Variants in FBXO9 observed in about 807,000 individuals in gnomAD.
FBXO9 encodes the protein F-box only protein 9.
A neutral mutation model predicts 63.7 loss-of-function variants in FBXO9; 43 were observed. The ratio of observed to expected loss-of-function variants is 0.67; its 90% confidence interval spans 0.53 to 0.87. FBXO9 has a LOEUF of 0.87. FBXO9 is among the 40% of genes least tolerant of loss of function. The pLI is 0.00. For missense variants in FBXO9, 442 were observed against 533.2 expected, an observed-to-expected ratio of 0.83 and a Z score of 1.68; for synonymous variants, 156 against 171.7, an observed-to-expected ratio of 0.91 and a Z score of 0.72.
chr6:53,079,824 G>A lies in FBXO9; in HGVS notation c.407+926G>A, dbSNP rs1330426934. ...TGCCAATGTTTTTTAACTGCATATG[G>A]TATTAACACTTAAGCTTTGGATAAG... On this transcript the variant is annotated intron_variant, in intron 5 of 12. Coordinates refer to ENST00000323557, the MANE Select transcript of FBXO9 (RefSeq NM_033480.3). 3.9e-5 allele frequency among the ~76,000 whole-genome samples: 6 copies of A among 151,924 alleles called. No individual in the cohort carries two copies. In the East Asian group the frequency reaches 7.7e-4, roughly 20 times the overall value.
intron 3 of FBXO9, among the ~76,000 whole-genome samples, chr6:53,074,613 TC>T (rs1195837405): frequency 2.0e-5 from 3 of 152,226 alleles, no homozygotes; most frequent in African/African-American, 7.2e-5. Context: ...AGTTATATAC[TC>T]CCTTTCCCTA....
At chr6:53,092,874 T>C (rs781328253) in intron 9 of FBXO9, 50 bp downstream of exon 9, 14 of 1,243,226 alleles carry the variant, frequency 1.1e-5, no homozygotes, top group African/African-American at 4.5e-5. Flanking sequence ...TCTCCATGTA[T>C]TAGTTAAATG....
At chr6:53,088,702 G>A (rs762370482) in intron 7 of FBXO9, among the ~76,000 whole-genome samples, 3 of 150,790 alleles carry the variant, frequency 2.0e-5, no homozygotes, top group Non-Finnish European at 4.4e-5. Context: ...GGGTTCAGGC[G>A]ATTCTCCTGC....
At chr6:53,079,265 T>A (rs1475770477) in intron 5 of FBXO9, among the ~76,000 whole-genome samples, 1 of 152,160 alleles carries the variant, frequency 6.6e-6, no homozygotes, top group Non-Finnish European at 1.5e-5. Context: ...ATATTAATAA[T>A]GGTTAAAATT....
chr6:53,070,583 G>A (rs1186676279), intron 1 of FBXO9, among the ~76,000 whole-genome samples: 1 of 152,060 alleles, frequency 6.6e-6, no homozygotes, highest in Non-Finnish European at 1.5e-5. Flanking sequence ...TATACTACAA[G>A]AACTATTTAC....
At position 53,071,070 on chromosome 6, in the gene FBXO9, A is replaced by G. The variant is rs1768898844; in HGVS notation, c.17A>G (p.Glu6Gly). 6.4e-7 allele frequency: 1 copy of G among 1,574,046 alleles called. No homozygotes were observed. Among genetic ancestry groups the G allele is most frequent in the African/African-American group, 1.3e-5 (1 of 74,388 alleles). Residue 6 changes from glutamate to glycine, a missense_variant, in exon 2 of 13, where the codon GAA (glutamate) becomes GGA (glycine). Physicochemically the swap from Glu to Gly is moderately conservative, Grantham distance 98. Around this residue, in one of 2 missense-constraint regions of FBXO9, gnomAD observed 180 missense variants for 171.1 expected, o/e 1.05. Coordinates refer to ENST00000323557, the MANE Select transcript of FBXO9 (RefSeq NM_033480.3). ...TTCCCCCCTCAGGCAGAAGCTGAGGAAGATTGTCATTCTGATACTGTCAGA... is the reference window on the plus strand; with the variant it reads ...TTCCCCCCTCAGGCAGAAGCTGAGGGAGATTGTCATTCTGATACTGTCAGA... Reference protein sequence around the residue: MAEAEEDCHSDTVRAD... With the variant: MAEAEGDCHSDTVRAD...
At chr6:53,084,361 C>T (rs1029245590) in intron 7 of FBXO9, among the ~76,000 whole-genome samples, 1 of 152,100 alleles carries the variant, frequency 6.6e-6, no homozygotes, top group African/African-American at 2.4e-5. Flanking sequence ...TCTTTTTTAA[C>T]CAATGAATAC....
At chr6:53,070,151 T>C (rs965966030) in intron 1 of FBXO9, among the ~76,000 whole-genome samples, 1 of 150,948 alleles carries the variant, frequency 6.6e-6, no homozygotes, top group Non-Finnish European at 1.5e-5. Flanking sequence ...CCCAATTAGC[T>C]GGGACCACAG....
chr6:53,092,716 T>C lies in FBXO9; in HGVS notation c.773-18T>C. The C allele has an allele frequency of 6.4e-7, 1 of 1,573,274 alleles. No individual in the cohort carries two copies. The highest frequency in any genetic ancestry group is 8.7e-7 in the Non-Finnish European group (1 of 1,154,366). On this transcript the variant is annotated intron_variant, in intron 8 of 12. Coordinates refer to ENST00000323557, the MANE Select transcript of FBXO9 (RefSeq NM_033480.3). ...TCTGAATATTATAATTTTTAACTTT[T>C]TAAAATTATTTTCATAGGCGTGTAT... is the stretch of plus-strand genomic sequence containing the variant.
intron 6 of FBXO9, among the ~76,000 whole-genome samples, chr6:53,081,759 C>T (rs1031634416): frequency 6.6e-6 from 1 of 152,150 alleles, no homozygotes; most frequent in Non-Finnish European, 1.5e-5. Context: ...CTGAGACAGA[C>T]TGAATGTTTA....
intron 1 of FBXO9, chr6:53,066,041 A>C: frequency 1.6e-6 from 2 of 1,223,020 alleles, no homozygotes; most frequent in East Asian, 6.4e-5. Context: ...TGTGAGGAGG[A>C]GGGTTTGCAG....
chr6:53,065,575 C>G lies in FBXO9; in HGVS notation c.-215C>G. 2.0e-6 allele frequency: 1 copy of G among 488,020 alleles called. No individual in the cohort carries two copies. Among genetic ancestry groups the G allele is most frequent in the Non-Finnish European group, 3.3e-6 (1 of 304,794 alleles). The allele number at this position is 488,020 out of a possible 1,614,324, so 30.2% of individuals were successfully genotyped here. Reference sequence around the variant, plus strand: ...GGCAGCCGCCGCCACCCCAGCGCGCCCCGATCTGGCCCCCTGCCCCGCGAA... The same window carrying G: ...GGCAGCCGCCGCCACCCCAGCGCGCGCCGATCTGGCCCCCTGCCCCGCGAA... On this transcript the variant is annotated 5_prime_UTR_variant, in exon 1 of 13. Transcript: ENST00000323557.
At position 53,078,808 on chromosome 6, in the gene FBXO9, T is replaced by G; in HGVS notation, c.317T>G (p.Phe106Cys). 4.3e-6 allele frequency: 7 copies of G among 1,611,708 alleles called. No homozygotes were observed. The highest frequency in any genetic ancestry group is 5.9e-6 in the Non-Finnish European group (7 of 1,178,426). The change falls in exon 5 of 13, where the codon TTT (phenylalanine) becomes TGT (cysteine). Residue 106 changes from phenylalanine (F) to cysteine (C), a missense_variant. Around this residue, in one of 2 missense-constraint regions of FBXO9, gnomAD observed 180 missense variants for 171.1 expected, o/e 1.05. Transcript: ENST00000323557. ...TTATTTCTTCTTTTAGCCATCAAGT[T>G]TTATCGTAGGGCTATGCAACTTGTA... Reference protein sequence around the residue: ...QNGALYEAIKFYRRAMQLVPD... With the variant: ...QNGALYEAIKCYRRAMQLVPD...
At chr6:53,094,454 A>T (rs548887449) in intron 11 of FBXO9, among the ~76,000 whole-genome samples, 1 of 152,374 alleles carries the variant, frequency 6.6e-6, no homozygotes, top group East Asian at 1.9e-4. Flanking sequence ...GATTACTGAC[A>T]TTATTACATT....
rs1479423001 is a variant in FBXO9 at position 53,100,274 on chromosome 6, CT to C, written c.*2446del. The C allele has an allele frequency of 3.9e-5, 6 of 152,308 alleles. No homozygotes were observed. Among genetic ancestry groups the C allele is most frequent in the Non-Finnish European group, 7.4e-5 (5 of 68,024 alleles). 9.4% of individuals were successfully genotyped at this position (152,308 alleles called of 1,614,324 possible). A position where few individuals can be genotyped will look rare whatever the true frequency, so the allele number is the denominator to read the frequency against. ...AAATCCTGCCGTAGAAACTTTTTAA[CT>C]TCAGGAGTGTCCTTCCTTTGCTCTA... On this transcript the variant is annotated 3_prime_UTR_variant, in exon 13 of 13. Transcript: ENST00000323557.
In FBXO9 at chr6:53,100,702, T is replaced by C. The variant is rs1047072476; in HGVS notation, c.*2872T>C. ...TGCATCTATAAAAATGGGATTATAT[T>C]GTACAGAATGCTTTGTAAGCTTTCT... On this transcript the variant is annotated 3_prime_UTR_variant, in exon 13 of 13. Coordinates refer to ENST00000323557, the MANE Select transcript of FBXO9 (RefSeq NM_033480.3). The C allele has an allele frequency of 6.6e-6, 1 of 152,234 alleles. No homozygotes were observed. Among genetic ancestry groups the C allele is most frequent in the Non-Finnish European group, 1.5e-5 (1 of 68,050 alleles). The allele number at this position is 152,234 out of a possible 1,614,324, so 9.4% of individuals were successfully genotyped here.
chr6:53,074,808 C>T lies in FBXO9; in HGVS notation c.249+1169C>T, dbSNP rs570727516. ...ATCAGTAGTTTGTTCCTTTTTATTG[C>T]AGAATAGTATTGCATGGTATGGATG... is the stretch of plus-strand genomic sequence containing the variant. On this transcript the variant is annotated intron_variant, in intron 3 of 12. Coordinates refer to ENST00000323557, the MANE Select transcript of FBXO9 (RefSeq NM_033480.3). Among the ~76,000 whole-genome samples, 53 of 152,246 alleles carry T rather than the reference C, an allele frequency of 3.5e-4. 1 individual carries two copies. The highest frequency in any genetic ancestry group is 1.8e-3 in the Admixed American group (27 of 15,296).
chr6:53,072,336 C>G (rs985813605), intron 2 of FBXO9, among the ~76,000 whole-genome samples: 3 of 151,998 alleles, frequency 2.0e-5, no homozygotes, highest in Non-Finnish European at 4.4e-5. Context: ...GTGAAGATTG[C>G]TGTGCAGGAA....
At position 53,098,076 on chromosome 6, in the gene FBXO9, A is replaced by AAATTAAGTTGG. The variant is rs945561484; in HGVS notation, c.*257_*267dup. The AAATTAAGTTGG allele has an allele frequency of 5.0e-5, 12 of 237,894 alleles. No homozygotes were observed. Among genetic ancestry groups the AAATTAAGTTGG allele is most frequent in the Non-Finnish European group, 8.3e-5 (9 of 108,296 alleles). The allele number at this position is 237,894 out of a possible 1,614,324, so 14.7% of individuals were successfully genotyped here. ...GATAGTTGATTCCTGGGGTGTTTTGAAATTAAGTTGGAATTAAGTTGCTTA... is the reference window on the plus strand; with the variant it reads ...GATAGTTGATTCCTGGGGTGTTTTGAAATTAAGTTGGAATTAAGTTGGAATTAAGTTGCTTA... On this transcript the variant is annotated 3_prime_UTR_variant, in exon 13 of 13. Coordinates refer to ENST00000323557, the MANE Select transcript of FBXO9 (RefSeq NM_033480.3).
Sources: gnomAD v4.1 joint callset for allele counts (sites outside exome capture counted in the v4.1 genomes callset) on GRCh38, gnomAD v4.1.1 for gene constraint, gnomAD v4.1.1 regional missense constraint, MANE v1.5 for transcripts, NCBI Gene and HGNC (gene_info 2026-07-23, HGNC 2026-07-21) for gene names.